Variants in HVCN1 observed in about 807,000 individuals in gnomAD.
HVCN1 encodes the protein hydrogen voltage gated channel 1.
A neutral mutation model predicts 29.2 loss-of-function variants in HVCN1; 14 were observed. The observed-to-expected ratio is 0.48, with a 90% CI of 0.32 to 0.75. The LOEUF (loss-of-function observed/expected upper bound fraction) is 0.75. HVCN1 is among the 30% of genes least tolerant of loss of function. The pLI, the probability that HVCN1 is intolerant of heterozygous loss-of-function variation, is 0.04. For missense variants in HVCN1, 263 were observed against 341.8 expected (o/e 0.77, Z 1.82); for synonymous variants, 131 against 133.2 (o/e 0.98, Z 0.11).
intron 5 of HVCN1, among the ~76,000 whole-genome samples, chr12:110,653,903 A>G (rs569144733): frequency 2.5e-4 from 38 of 152,280 alleles, no homozygotes; most frequent in Non-Finnish European, 4.1e-4. Context: ...TATTGATCTT[A>G]TTTTAGATCT....
At chr12:110,680,307 G>A (rs1195765501) in intron 3 of HVCN1, among the ~76,000 whole-genome samples, 3 of 151,968 alleles carry the variant, frequency 2.0e-5, no homozygotes, top group Non-Finnish European at 2.9e-5. Flanking sequence ...GTCCCTGGTT[G>A]TGCATTGCAA....
Position 110,704,512 on chromosome 12 carries a change from G to T in HVCN1, c.-229+363C>A, listed in dbSNP as rs976982763. 2.0e-5 allele frequency among the ~76,000 whole-genome samples: 3 copies of T among 151,834 alleles called. No homozygotes were observed. The East Asian group carries it at 5.8e-4, about 29-fold the overall frequency. On this transcript the variant is annotated intron_variant, in intron 1 of 4. Coordinates refer to the HVCN1 transcript ENST00000546713. ...CAATAATTAAAAAAAAAAAAAATTA[G>T]CCAGGTGTGGTAGTGCGTGCCTGTG...
At chr12:110,662,635 G>T (rs2068216385) in intron 3 of HVCN1, among the ~76,000 whole-genome samples, 1 of 152,204 alleles carries the variant, frequency 6.6e-6, no homozygotes, top group Admixed American at 6.5e-5. Flanking sequence ...AAGCTGGGAG[G>T]CGTGGGTTGC....
rs371442260 is a variant in HVCN1, at chr12:110,649,401, G to A, written c.*9C>T. ...CAGTGTCTTCTTTTTGAGGGGAGCTGGTCCGGGTCTAGTTCACTTCACCAA... is the reference window on the plus strand; with the variant it reads ...CAGTGTCTTCTTTTTGAGGGGAGCTAGTCCGGGTCTAGTTCACTTCACCAA... On this transcript the variant is annotated 3_prime_UTR_variant, in exon 8 of 8. Coordinates refer to ENST00000242607, the MANE Select transcript of HVCN1 (RefSeq NM_032369.4). 14 of 1,604,284 alleles carry A rather than the reference G, an allele frequency of 8.7e-6. No individual in the cohort carries two copies. The African/African-American group carries it at 1.7e-4, about 20-fold the overall frequency.
intron 3 of HVCN1, among the ~76,000 whole-genome samples, chr12:110,668,110 T>C (rs899764096): frequency 2.0e-5 from 3 of 152,086 alleles, no homozygotes; most frequent in African/African-American, 7.2e-5. Flanking sequence ...CCGGCTAATT[T>C]TTGTAATTTT....
intron 2 of HVCN1, among the ~76,000 whole-genome samples, chr12:110,687,255 ACAC>A (rs2069217845): frequency 9.1e-6 from 1 of 109,770 alleles, no homozygotes. Flanking sequence ...AAGACAGACC[ACAC>A]CCCCCCCCCC....
chr12:110,697,129 TC>T lies in HVCN1; in HGVS notation c.-104+5179del, dbSNP rs141193630. 2.0e-3 allele frequency among the ~76,000 whole-genome samples: 305 copies of T among 152,030 alleles called. 7 individuals carry two copies. The highest frequency in any genetic ancestry group is 0.013 in the Admixed American group (205 of 15,234). On this transcript the variant is annotated intron_variant, in intron 2 of 4. Coordinates refer to the HVCN1 transcript ENST00000546713. ...CTGGGAGGGGGCCAGGTGGAGGATG[TC>T]CCCATTTTTGATAATGTTTTATTTG...
chr12:110,682,009 C>T (rs531767644), intron 3 of HVCN1, among the ~76,000 whole-genome samples: 36 of 151,928 alleles, frequency 2.4e-4, no homozygotes, highest in East Asian at 9.7e-4. Flanking sequence ...TTTTTGGAGA[C>T]GGAGTTTTGC....
intron 2 of HVCN1, among the ~76,000 whole-genome samples, chr12:110,696,094 A>G (rs2069485420): frequency 6.6e-6 from 1 of 151,576 alleles, no homozygotes; most frequent in African/African-American, 2.4e-5. Context: ...CTGGGATTAC[A>G]GGAGCCCGCC....
At chr12:110,650,932 T>G (rs2067785825) in intron 6 of HVCN1, among the ~76,000 whole-genome samples, 1 of 152,164 alleles carries the variant, frequency 6.6e-6, no homozygotes, top group Non-Finnish European at 1.5e-5. Context: ...ACTCCTGGGC[T>G]CAAGTGATCC....
At chr12:110,693,927 G>T (rs1168388486), upstream of HVCN1, among the ~76,000 whole-genome samples, 3 of 152,152 alleles carry the variant, frequency 2.0e-5, no homozygotes, top group Non-Finnish European at 4.4e-5. Flanking sequence ...GACTTGTTCC[G>T]GTTTGGGCAA....
Position 110,661,517 on chromosome 12 carries a change from G to T in HVCN1, c.22-69C>A. 1 of 1,507,668 alleles carries T rather than the reference G, an allele frequency of 6.6e-7. No homozygotes were observed. 93.4% of individuals were successfully genotyped at this position (1,507,668 alleles called of 1,614,324 possible). On this transcript the variant is annotated intron_variant, in intron 3 of 7. Transcript: ENST00000242607. The surrounding 1 kb of genome is among the most constrained non-coding windows in gnomAD (Gnocchi z 6.2). Reference sequence around the variant, plus strand: ...ACTCAGAGCCCACATGGCCCAGGCCGGGCCAGGCCACTGCAGGTGAAGATG... The same window carrying T: ...ACTCAGAGCCCACATGGCCCAGGCCTGGCCAGGCCACTGCAGGTGAAGATG...
chr12:110,698,551 T>C (rs1386390029), intron 2 of HVCN1, among the ~76,000 whole-genome samples: 2 of 152,046 alleles, frequency 1.3e-5, no homozygotes, highest in African/African-American at 4.8e-5. Flanking sequence ...TCCTGGCTTC[T>C]CCACCACCGG....
At chr12:110,660,326 C>T (rs1044212632) in intron 4 of HVCN1, among the ~76,000 whole-genome samples, 2 of 152,316 alleles carry the variant, frequency 1.3e-5, no homozygotes, top group East Asian at 1.9e-4. Flanking sequence ...TCCCTTCGCT[C>T]GTCTGTGAGG....
rs1165147195 is a variant in HVCN1, at chr12:110,649,382, C to T, written c.*28G>A. 2 of 1,587,574 alleles carry T rather than the reference C, an allele frequency of 1.3e-6. No homozygotes were observed. The highest frequency in any genetic ancestry group is 1.7e-6 in the Non-Finnish European group (2 of 1,158,814). ...ACAGCACAGGCCCATGAGACAGTGT[C>T]TTCTTTTTGAGGGGAGCTGGTCCGG... On this transcript the variant is annotated 3_prime_UTR_variant, in exon 8 of 8. Transcript: ENST00000242607.
chr12:110,704,754 G>C (rs1566075012), intron 1 of HVCN1: 1 of 152,230 alleles, frequency 6.6e-6, no homozygotes, highest in Non-Finnish European at 1.5e-5. Flanking sequence ...TAAATGAACA[G>C]CCACACCTGG....
intron 2 of HVCN1, among the ~76,000 whole-genome samples, chr12:110,687,537 T>A (rs2069239539): frequency 6.6e-6 from 1 of 151,784 alleles, no homozygotes; most frequent in Non-Finnish European, 1.5e-5. Flanking sequence ...TTGAGAATAA[T>A]CACACAGGGC....
chr12:110,666,025 A>G (rs1201901606), intron 3 of HVCN1, among the ~76,000 whole-genome samples: 1 of 151,472 alleles, frequency 6.6e-6, no homozygotes, highest in Non-Finnish European at 1.5e-5. Context: ...AGAAGGAAAA[A>G]AAAAAAAAGA....
In HVCN1 at chr12:110,649,426, A is replaced by G. The variant is rs767677920; in HGVS notation, c.806T>C (p.Leu269Pro). The G allele has an allele frequency of 5.0e-5, 81 of 1,609,346 alleles. No individual in the cohort carries two copies. The Middle Eastern group carries it at 9.9e-4, about 20-fold the overall frequency. The change falls in exon 8 of 8, where the codon CTT (leucine) becomes CCT (proline). Residue 269 changes from leucine (L) to proline (P), a missense_variant. Around this residue, in one of 3 missense-constraint regions of HVCN1, gnomAD observed 51 missense variants for 51.1 expected, o/e 1.00. Coordinates refer to ENST00000242607, the MANE Select transcript of HVCN1 (RefSeq NM_032369.4). ...LNKLLRQHGL[L>P]GEVN ...GGTCCGGGTCTAGTTCACTTCACCA[A>G]GAAGTCCATGCTGTCGCAATAGTTT...
Sources: allele counts gnomAD v4.1 joint callset (sites outside exome capture counted in the v4.1 genomes callset), GRCh38; gene constraint gnomAD v4.1.1; regional missense constraint gnomAD v4.1.1; non-coding constraint Gnocchi (gnomAD v3.1); transcripts MANE v1.5; gene names NCBI Gene and HGNC (gene_info 2026-07-23, HGNC 2026-07-21).